ZNF91: variants seen among roughly 807,000 people sequenced by gnomAD.
ZNF91 encodes the protein zinc finger protein 91.
Under a neutral mutation model 12.6 loss-of-function variants are expected in ZNF91, and 7 were observed. The observed-to-expected ratio is 0.55, with a 90% CI of 0.31 to 1.04. The LOEUF is 1.04. Among genes scored for constraint, ZNF91 ranks in the 50% least tolerant of loss-of-function variants. The pLI, the probability that ZNF91 is intolerant of heterozygous loss-of-function variation, is 0.05. For synonymous variants in ZNF91, 453 were observed against 462.6 expected (o/e 0.98, Z 0.27); for missense variants, 1,217 against 1,385.4 (o/e 0.88, Z 1.93).
chr19:23,325,535 CACT>C (rs765907861), intron 1 of ZNF91: 11 of 152,284 alleles, frequency 7.2e-5, no homozygotes, highest in Admixed American at 1.3e-4. Context: ...ATCTTGATCA[CACT>C]ACAAGTCGCT....
At chr19:23,324,142 CCTCTT>C (rs1261662773) in intron 1 of ZNF91, 2 of 150,638 alleles carry the variant, frequency 1.3e-5, no homozygotes, top group African/African-American at 4.9e-5. Flanking sequence ...CTCCTCTCGT[CCTCTT>C]CTCTTTTCCT....
At chr19:23,323,222 TTC>T (rs1427645063) in intron 1 of ZNF91, among the ~76,000 whole-genome samples, 2 of 147,954 alleles carry the variant, frequency 1.4e-5, no homozygotes, top group South Asian at 2.2e-4. Flanking sequence ...TACTTTTCCT[TTC>T]TCTCCTTCTT....
At chr19:23,314,513 A>T (rs1599679906), upstream of ZNF91, among the ~76,000 whole-genome samples, 1 of 152,066 alleles carries the variant, frequency 6.6e-6, no homozygotes, top group South Asian at 2.1e-4. Context: ...ATTTCCAGAG[A>T]CCTGTCCACA....
intron 1 of ZNF91, chr19:23,328,297 G>C (rs1275312279): frequency 6.6e-6 from 1 of 152,186 alleles, no homozygotes; most frequent in Non-Finnish European, 1.5e-5. Context: ...TTTGTGTATG[G>C]GAGAGGAATG....
At chr19:23,354,316 A>C (rs537889768), downstream of ZNF91, among the ~76,000 whole-genome samples, 1 of 152,318 alleles carries the variant, frequency 6.6e-6, no homozygotes, top group East Asian at 1.9e-4. Flanking sequence ...TTTAACACAC[A>C]CAAGTCAAGA....
At chr19:23,305,606 C>G (rs1476913191) in intron 3 of ZNF91, among the ~76,000 whole-genome samples, 1 of 152,144 alleles carries the variant, frequency 6.6e-6, no homozygotes, top group Non-Finnish European at 1.5e-5. Flanking sequence ...ATTAGTTTAG[C>G]CCAGGTGACT....
chr19:23,386,588 TA>T (rs1264425866), intron 1 of ZNF91, among the ~76,000 whole-genome samples: 4 of 152,170 alleles, frequency 2.6e-5, no homozygotes, highest in Admixed American at 2.6e-4. Context: ...GGTTGTGGAA[TA>T]ACCAGCTAGC....
chr19:23,395,199 C>T, intron 1 of ZNF91, 126 bp downstream of exon 1: 3 of 1,233,230 alleles, frequency 2.4e-6, no homozygotes, highest in Non-Finnish European at 3.5e-6. Context: ...CCGAGCTGGG[C>T]AAGGAGAACC....
intron 1 of ZNF91, among the ~76,000 whole-genome samples, chr19:23,379,075 C>G (rs980099975): frequency 8.5e-5 from 13 of 152,174 alleles, no homozygotes; most frequent in African/African-American, 3.1e-4. Context: ...CAATTCTGTT[C>G]TGGAGATTCT....
At chr19:23,385,299 T>C in intron 1 of ZNF91, 1 of 470,854 alleles carries the variant, frequency 2.1e-6, no homozygotes, top group Non-Finnish European at 3.8e-6. Context: ...AGTAACAGGA[T>C]GCGAACTTAT....
At chr19:23,384,935 G>A (rs1020853950) in intron 1 of ZNF91, 6 of 812,014 alleles carry the variant, frequency 7.4e-6, no homozygotes, top group African/African-American at 3.4e-5. Flanking sequence ...GAGTCCTTTC[G>A]GCCAGCAAAG....
chr19:23,327,775 C>T lies in ZNF91; in HGVS notation n.117-18678G>A, dbSNP rs532354641. The T allele has an allele frequency of 1.4e-4, 21 of 152,050 alleles. No homozygotes were observed. The South Asian group carries it at 2.9e-3, about 21-fold the overall frequency. 9.4% of individuals were successfully genotyped at this position (152,050 alleles called of 1,614,324 possible). On this transcript the variant is annotated intron_variant and non_coding_transcript_variant, in intron 1 of 1. Transcript: ENST00000596528. ...GTTTATAATGGTTTAATTAACAACC[C>T]GAACAGGTTTTCTGTGATTTGGTTG...
At chr19:23,344,385 C>T (rs900170505) in intron 3 of ZNF91, among the ~76,000 whole-genome samples, 1 of 151,946 alleles carries the variant, frequency 6.6e-6, no homozygotes, top group African/African-American at 2.4e-5. Context: ...TGAGCCACCG[C>T]GCCCGGCAAA....
intron 1 of ZNF91, among the ~76,000 whole-genome samples, chr19:23,319,872 T>C (rs1967648521): frequency 6.6e-6 from 1 of 152,094 alleles, no homozygotes; most frequent in African/African-American, 2.4e-5. Flanking sequence ...AACTAGCCAA[T>C]GAGAGAGATA....
At chr19:23,392,819 C>T (rs1231861571) in intron 1 of ZNF91, among the ~76,000 whole-genome samples, 2 of 107,520 alleles carry the variant, frequency 1.9e-5, no homozygotes, top group Non-Finnish European at 3.8e-5. Flanking sequence ...CAAAAAAAAA[C>T]CCTTAGGTCA....
chr19:23,352,938 T>C (rs542389512), downstream of ZNF91, among the ~76,000 whole-genome samples: 8 of 152,242 alleles, frequency 5.3e-5, no homozygotes, highest in Admixed American at 5.2e-4. Flanking sequence ...CACCTAACAC[T>C]GGAGCTCCCA....
chr19:23,337,218 A>C (rs1214038860), downstream of ZNF91, among the ~76,000 whole-genome samples: 5 of 148,560 alleles, frequency 3.4e-5, no homozygotes, highest in Admixed American at 6.6e-5. Flanking sequence ...TCTGAGACTT[A>C]GACTTAGACT....
rs1450455073 is a variant in ZNF91 at position 23,359,713 on chromosome 19, T to G, written c.3266A>C (p.Gln1089Pro). Residue 1089 changes from glutamine to proline, a missense_variant, in exon 4 of 4, where the codon CAA becomes CCA. Physicochemically the swap from Gln to Pro is moderately conservative, Grantham distance 76 (BLOSUM62 -1). Coordinates refer to ENST00000300619, the MANE Select transcript of ZNF91 (RefSeq NM_003430.4). ...KCEECGKAFS[Q>P]SSTLTRHKRL... ...CTTATGTCTAGTTAGGGTTGAAGAT[T>G]GGCTAAATGCTTTGCCACATTCTTC... 8 of 1,613,934 alleles carry G rather than the reference T, an allele frequency of 5.0e-6. No homozygotes were observed. The highest frequency in any genetic ancestry group is 6.8e-6 in the Non-Finnish European group (8 of 1,180,002).
Position 23,357,760 on chromosome 19 carries a change from C to A in ZNF91, c.*1643G>T, listed in dbSNP as rs528567045. The A allele has an allele frequency of 1.3e-5, 2 of 152,144 alleles. No individual in the cohort carries two copies. The highest frequency in any genetic ancestry group is 2.9e-5 in the Non-Finnish European group (2 of 67,966). 9.4% of individuals were successfully genotyped at this position (152,144 alleles called of 1,614,324 possible). A position where few individuals can be genotyped will look rare whatever the true frequency, so the allele number is the denominator to read the frequency against. On this transcript the variant is annotated 3_prime_UTR_variant, in exon 4 of 4. Transcript: ENST00000300619. ...ACCATAAAAATAATCCTGTAGTCAA[C>A]AACAATTTAATTGTACATTTAAAAA...
Sources: allele counts gnomAD v4.1 joint callset (sites outside exome capture counted in the v4.1 genomes callset), GRCh38; gene constraint gnomAD v4.1.1; transcripts MANE v1.5; gene names NCBI Gene and HGNC (gene_info 2026-07-23, HGNC 2026-07-21).